Variants in PLXNA1 observed in about 807,000 individuals in gnomAD.
PLXNA1 encodes the protein plexin-A1.
In PLXNA1, 77 loss-of-function variants were observed where a neutral mutation model predicts 191.7. The ratio of observed to expected loss-of-function variants is 0.40; its 90% CI spans 0.33 to 0.49. PLXNA1 has a LOEUF of 0.49. Ranked by LOEUF, PLXNA1 falls within the 20% of genes least tolerant of loss-of-function variation. The pLI is 0.63. For synonymous variants in PLXNA1, 1,137 were observed against 1,156.4 expected (o/e 0.98, Z 0.34); for missense variants, 2,110 against 2,660.2 (o/e 0.79, Z 4.55).
chr3:126,985,439 A>G (rs1232505905), intron 1 of PLXNA1, among the ~76,000 whole-genome samples: 1 of 151,824 alleles, frequency 6.6e-6, no homozygotes, highest in Non-Finnish European at 1.5e-5. Flanking sequence ...AGCCGTTCCT[A>G]CTGCCCTCTG....
intron 23 of PLXNA1, among the ~76,000 whole-genome samples, chr3:127,023,530 G>A (rs979729621): frequency 6.6e-6 from 1 of 152,210 alleles, no homozygotes; most frequent in Non-Finnish European, 1.5e-5. Flanking sequence ...TCGCTGCTCT[G>A]TGGGTGAGGG....
chr3:127,021,079 G>A (rs981680080), intron 21 of PLXNA1, among the ~76,000 whole-genome samples: 64 of 152,312 alleles, frequency 4.2e-4, no homozygotes, highest in African/African-American at 1.3e-3. Context: ...CCCCCCAACC[G>A]TGTGCCTTGG....
intron 3 of PLXNA1, among the ~76,000 whole-genome samples, chr3:126,999,679 G>C (rs780506266): frequency 4.3e-4 from 66 of 152,332 alleles, no homozygotes; most frequent in Non-Finnish European, 8.1e-4. Context: ...AGTTGGCCAG[G>C]GCTGTGGCGG....
chr3:127,025,350 C>T (rs1350109982), intron 23 of PLXNA1, among the ~76,000 whole-genome samples: 1 of 152,192 alleles, frequency 6.6e-6, no homozygotes, highest in Non-Finnish European at 1.5e-5. Context: ...TGGCTCCCTT[C>T]ACTTCGTAAT....
At chr3:127,024,386 G>C (rs73861749) in intron 23 of PLXNA1, among the ~76,000 whole-genome samples, 5,242 of 152,300 alleles carry the variant, frequency 0.034, 312 homozygotes, top group African/African-American at 0.12. Flanking sequence ...GGCCGGATCA[G>C]ACATTCCATG....
At chr3:127,012,181 TG>T in intron 10 of PLXNA1, 23 bp downstream of exon 10, 1 of 1,602,916 alleles carries the variant, frequency 6.2e-7, no homozygotes, top group African/African-American at 1.3e-5. Flanking sequence ...GGGCAGGGGC[TG>T]GGGGCCGTGA....
In PLXNA1 at chr3:127,034,023, A is replaced by T. The variant is rs2079226176; in HGVS notation, c.*6A>T. On this transcript the variant is annotated 3_prime_UTR_variant, in exon 32 of 32. Transcript: ENST00000393409. ...CGATGGCCCTGAGCAGCTGAGCCCC[A>T]GCTGTGATCATCCAGCATGATGCAG... is the stretch of plus-strand genomic sequence containing the variant. 1 of 1,592,000 alleles carries T rather than the reference A, an allele frequency of 6.3e-7. No homozygotes were observed. Among genetic ancestry groups the T allele is most frequent in the African/African-American group, 1.3e-5 (1 of 74,690 alleles).
At chr3:127,029,174 GC>G in intron 26 of PLXNA1, 78 bp downstream of exon 26, 1 of 1,172,000 alleles carries the variant, frequency 8.5e-7, no homozygotes, top group Admixed American at 1.9e-5. Context: ...AATGTTTGCA[GC>G]ATGTGGGCTG....
At chr3:127,022,446 G>A in intron 22 of PLXNA1, 105 bp downstream of exon 22, 5 of 1,407,366 alleles carry the variant, frequency 3.6e-6, no homozygotes, top group Non-Finnish European at 3.8e-6. Context: ...GTTCCCACCG[G>A]GCAGGGGTGG....
At chr3:127,013,512 G>A (rs2079106016) in intron 10 of PLXNA1, among the ~76,000 whole-genome samples, 2 of 152,178 alleles carry the variant, frequency 1.3e-5, no homozygotes, top group Admixed American at 1.3e-4. Context: ...AGTTCCCCTG[G>A]GCCCAGCCCA....
chr3:126,989,438 T>G lies in PLXNA1; in HGVS notation c.845T>G (p.Ile282Ser). 1 of 1,613,554 alleles carries G rather than the reference T, an allele frequency of 6.2e-7. No individual in the cohort carries two copies. Residue 282 changes from isoleucine (I) to serine (S), a missense_variant, in exon 2 of 32, where the codon ATC becomes AGC. By Grantham distance (142) the Ile-to-Ser change is moderately radical. Around this residue, in one of 4 missense-constraint regions of PLXNA1, gnomAD observed 903 missense variants for 1,015.7 expected, o/e 0.89. Transcript: ENST00000393409. ...AAGEHFFTSK[I>S]VRLCVDDPKF... ...GGCGAGCACTTCTTCACGTCCAAGATCGTGCGGCTCTGTGTGGACGACCCC... is the reference window on the plus strand; with the variant it reads ...GGCGAGCACTTCTTCACGTCCAAGAGCGTGCGGCTCTGTGTGGACGACCCC...
intron 7 of PLXNA1, among the ~76,000 whole-genome samples, chr3:127,005,868 C>T (rs1016468760): frequency 1.3e-5 from 2 of 152,070 alleles, no homozygotes; most frequent in African/African-American, 4.8e-5. Flanking sequence ...GAGAGTCTCG[C>T]GGTTCTCAAC....
In PLXNA1 at chr3:127,033,972, G is replaced by A; in HGVS notation, c.5646G>A (p.Arg1882=). Reference sequence around the variant, plus strand: ...AGCAGGCGCGGCGGCAGCGGCTGCGGAGCAAGCTGGAGCAGGTGGTGGACA... The same window carrying A: ...AGCAGGCGCGGCGGCAGCGGCTGCGAAGCAAGCTGGAGCAGGTGGTGGACA... ...KDEQARRQRL[R]SKLEQVVDTM... Residue 1882 remains arginine (R), a synonymous_variant, in exon 32 of 32, where the codon CGG becomes CGA. Transcript: ENST00000393409. The A allele has an allele frequency of 1.9e-6, 3 of 1,605,646 alleles. No homozygotes were observed. The highest frequency in any genetic ancestry group is 2.2e-5 in the East Asian group (1 of 44,554).
chr3:127,022,782 T>C lies in PLXNA1; in HGVS notation c.4326T>C (p.Thr1442=). The C allele has an allele frequency of 6.2e-7, 1 of 1,614,040 alleles. No individual in the cohort carries two copies. Among genetic ancestry groups the C allele is most frequent in the Non-Finnish European group, 8.5e-7 (1 of 1,179,968 alleles). Reference sequence around the variant, plus strand: ...AGTCGGTGGCAGAGAAGATGCTAACTAACTGGTTCACCTTCCTCTTGTATA... The same window carrying C: ...AGTCGGTGGCAGAGAAGATGCTAACCAACTGGTTCACCTTCCTCTTGTATA... The part of the protein sequence containing the change: ...RTESVAEKML[T]NWFTFLLYKF... Residue 1442 remains threonine (T), a synonymous_variant, in exon 23 of 32, where the codon ACT becomes ACC. Transcript: ENST00000393409.
At chr3:127,000,594 T>G (rs972388061) in intron 3 of PLXNA1, among the ~76,000 whole-genome samples, 2 of 152,206 alleles carry the variant, frequency 1.3e-5, no homozygotes, top group Non-Finnish European at 2.9e-5. Context: ...CCAGGTGCAG[T>G]TGCGGGTCCA....
chr3:127,007,777 A>G, intron 8 of PLXNA1, 22 bp from the exon 9 acceptor site: 1 of 1,560,914 alleles, frequency 6.4e-7, no homozygotes, highest in Non-Finnish European at 8.8e-7. Flanking sequence ...CCCAGGCTTC[A>G]GCACCCACCC....
At chr3:127,020,596 A>G (rs1266708464) in intron 21 of PLXNA1, among the ~76,000 whole-genome samples, 1 of 152,180 alleles carries the variant, frequency 6.6e-6, no homozygotes, top group Admixed American at 6.5e-5. Context: ...GCTCTGCTCC[A>G]TAAAGTACCT....
chr3:126,989,350 G>C lies in PLXNA1; in HGVS notation c.757G>C (p.Glu253Gln), dbSNP rs372137045. The change falls in exon 2 of 32, where the codon GAG becomes CAG. Residue 253 changes from glutamate to glutamine, a missense_variant. Physicochemically the swap from Glu to Gln is conservative, Grantham distance 29. This residue lies in a region of PLXNA1 where 903 missense variants were observed against 1,015.7 expected (regional missense o/e 0.89). Transcript: ENST00000393409. ...DIYYVYSFRS[E>Q]QFVYYLTLQL... is the part of the protein sequence containing the mutation. ...CTACTATGTGTACAGCTTCCGCAGCGAGCAGTTTGTCTACTACCTCACGCT... is the reference window on the plus strand; with the variant it reads ...CTACTATGTGTACAGCTTCCGCAGCCAGCAGTTTGTCTACTACCTCACGCT... The C allele has an allele frequency of 1.9e-6, 3 of 1,613,636 alleles. No individual in the cohort carries two copies. Among genetic ancestry groups the C allele is most frequent in the Non-Finnish European group, 2.5e-6 (3 of 1,180,048 alleles).
chr3:127,028,427 G>A, intron 25 of PLXNA1, 87 bp downstream of exon 25: 1 of 1,424,884 alleles, frequency 7.0e-7, no homozygotes, highest in Non-Finnish European at 9.3e-7. Context: ...GGCGGGGAAG[G>A]CCAGGCCAGT....
Sources: gnomAD v4.1 joint callset for allele counts (sites outside exome capture counted in the v4.1 genomes callset) on GRCh38, gnomAD v4.1.1 for gene constraint, gnomAD v4.1.1 regional missense constraint, MANE v1.5 for transcripts, NCBI Gene and HGNC (gene_info 2026-07-23, HGNC 2026-07-21) for gene names.